Variants in NBEA observed in about 807,000 individuals in gnomAD.
NBEA encodes neurobeachin.
In NBEA, 44 loss-of-function variants were observed where a neutral mutation model predicts 343.4. The observed-to-expected ratio is 0.13, with a 90% CI of 0.10 to 0.16. The LOEUF (loss-of-function observed/expected upper bound fraction) is 0.16, where lower values mean the gene tolerates loss of function less well. Ranked by LOEUF, NBEA falls within the 10% of genes least tolerant of loss-of-function variation. The probability of loss-of-function intolerance (pLI) is 1.00; values close to 1 mark genes in which losing one functional copy is unlikely to be tolerated. For synonymous variants in NBEA, 1,175 were observed against 1,238.7 expected, an observed-to-expected ratio of 0.95 and a Z score of 1.08; for missense variants, 2,555 against 3,631.3, an observed-to-expected ratio of 0.70 and a Z score of 7.62.
At chr13:35,655,325 T>C (rs1328108988) in intron 54 of NBEA, among the ~76,000 whole-genome samples, 1 of 152,230 alleles carries the variant, frequency 6.6e-6, no homozygotes, top group Non-Finnish European at 1.5e-5. Flanking sequence ...GATTGTGTTA[T>C]TTTATAAAGT....
chr13:35,157,940 CT>C (rs1354907704), intron 21 of NBEA, among the ~76,000 whole-genome samples: 1 of 152,046 alleles, frequency 6.6e-6, no homozygotes, highest in Non-Finnish European at 1.5e-5. Flanking sequence ...ATTAAGTCTT[CT>C]TGAACACGAG....
chr13:35,193,449 A>G (rs188714457), intron 30 of NBEA, among the ~76,000 whole-genome samples: 3 of 151,894 alleles, frequency 2.0e-5, no homozygotes, highest in Non-Finnish European at 4.4e-5. Context: ...AAGAAATCTC[A>G]TTTTCTTCCT....
chr13:35,451,113 CTT>C (rs1395739614), intron 39 of NBEA, among the ~76,000 whole-genome samples: 1 of 151,916 alleles, frequency 6.6e-6, no homozygotes, highest in African/African-American at 2.4e-5. Context: ...TTGGTTTTGG[CTT>C]TTTGTGTTTT....
At chr13:35,442,366 T>G (rs1422927040) in intron 39 of NBEA, among the ~76,000 whole-genome samples, 1 of 152,144 alleles carries the variant, frequency 6.6e-6, no homozygotes, top group East Asian at 1.9e-4. Context: ...CGATTTTTAG[T>G]ATAATGAAAT....
In NBEA at chr13:35,159,326, T is replaced by C; in HGVS notation, c.3155T>C (p.Val1052Ala). 6.2e-7 allele frequency: 1 copy of C among 1,613,556 alleles called. No individual in the cohort carries two copies. The highest frequency in any genetic ancestry group is 8.5e-7 in the Non-Finnish European group (1 of 1,179,674). Residue 1052 changes from valine to alanine, a missense_variant, in exon 22 of 59, where the codon GTA becomes GCA. By Grantham distance (64) the Val-to-Ala change is moderately conservative. Coordinates refer to ENST00000379939, the MANE Select transcript of NBEA (RefSeq NM_001385012.1). ...CCAGGAAGTGGTGTACATGTGGAAG[T>C]ACATGATCTTTTAGTAGATATAAAA... ...DRPGSGVHVE[V>A]HDLLVDIKAE... is the part of the protein sequence containing the mutation.
intron 35 of NBEA, among the ~76,000 whole-genome samples, chr13:35,303,576 T>G (rs1196448087): frequency 6.6e-6 from 1 of 152,136 alleles, no homozygotes; most frequent in African/African-American, 2.4e-5. Flanking sequence ...AATGGACTAT[T>G]TTATACATAA....
In NBEA at chr13:35,047,316, G is replaced by A. The variant is rs549061192; in HGVS notation, c.724-1247G>A. Reference sequence around the variant, plus strand: ...TGCATCTTCAGTCATTATGCTTGGAGTAGATTACATTCCTTACTCTTGAAG... The same window carrying A: ...TGCATCTTCAGTCATTATGCTTGGAATAGATTACATTCCTTACTCTTGAAG... On this transcript the variant is annotated intron_variant, in intron 4 of 58. Coordinates refer to ENST00000379939, the MANE Select transcript of NBEA (RefSeq NM_001385012.1). 2.0e-5 allele frequency among the ~76,000 whole-genome samples: 3 copies of A among 151,906 alleles called. No individual in the cohort carries two copies. The South Asian group carries it at 6.2e-4, about 32-fold the overall frequency.
At chr13:34,995,525 C>T (rs1042144708) in intron 1 of NBEA, among the ~76,000 whole-genome samples, 4 of 152,076 alleles carry the variant, frequency 2.6e-5, no homozygotes, top group South Asian at 2.1e-4. Flanking sequence ...CAATGATTTG[C>T]GATTAGGCAG....
At chr13:35,298,102 A>G (rs1441873985) in intron 35 of NBEA, among the ~76,000 whole-genome samples, 1 of 151,292 alleles carries the variant, frequency 6.6e-6, no homozygotes, top group Non-Finnish European at 1.5e-5. Context: ...TGTATTATGC[A>G]TTCTAATCTT....
chr13:35,329,305 A>G (rs2038781862), intron 36 of NBEA, among the ~76,000 whole-genome samples: 1 of 151,944 alleles, frequency 6.6e-6, no homozygotes, highest in South Asian at 2.1e-4. Flanking sequence ...GGTTAAACAT[A>G]TTTTTACCAT....
chr13:35,144,552 A>G (rs1376231064), intron 18 of NBEA, among the ~76,000 whole-genome samples: 1 of 152,156 alleles, frequency 6.6e-6, no homozygotes, highest in African/African-American at 2.4e-5. Flanking sequence ...TTTGCTAGTC[A>G]TGCGAAACTG....
At chr13:35,506,240 T>C (rs1566237512) in intron 41 of NBEA, among the ~76,000 whole-genome samples, 1 of 152,046 alleles carries the variant, frequency 6.6e-6, no homozygotes, top group Non-Finnish European at 1.5e-5. Flanking sequence ...TATATATATA[T>C]TTTATTTTTG....
In NBEA at chr13:35,074,270, T is replaced by G. The variant is rs556528433; in HGVS notation, c.1571+3418T>G. On this transcript the variant is annotated intron_variant, in intron 10 of 58. Coordinates refer to ENST00000379939, the MANE Select transcript of NBEA (RefSeq NM_001385012.1). ...GAATTGGATGATTATGTAGACTGAGTACATATTCTTATTGAGTACATGTTA... is the reference window on the plus strand; with the variant it reads ...GAATTGGATGATTATGTAGACTGAGGACATATTCTTATTGAGTACATGTTA... Among the ~76,000 whole-genome samples the G allele has an allele frequency of 4.5e-4, 68 of 152,284 alleles. No individual in the cohort carries two copies. The South Asian group carries it at 8.9e-3, about 20-fold the overall frequency.
chr13:35,189,616 G>T (rs2072020792), intron 30 of NBEA, among the ~76,000 whole-genome samples: 1 of 151,862 alleles, frequency 6.6e-6, no homozygotes, highest in Admixed American at 6.6e-5. Flanking sequence ...TATATTGTAA[G>T]CTCTAGTCGA....
chr13:35,132,243 T>C (rs1227542180), intron 17 of NBEA, among the ~76,000 whole-genome samples: 1 of 152,114 alleles, frequency 6.6e-6, no homozygotes, highest in South Asian at 2.1e-4. Context: ...CTGAAACCTC[T>C]GCTTCCCATG....
rs1178216447 is a variant in NBEA at position 35,452,169 on chromosome 13, C to T, written c.6382C>T (p.Leu2128Phe). The T allele has an allele frequency of 2.5e-6, 4 of 1,609,176 alleles. No individual in the cohort carries two copies. Among genetic ancestry groups the T allele is most frequent in the Admixed American group, 1.7e-5 (1 of 59,566 alleles). The change falls in exon 40 of 59, where the codon CTT becomes TTT. Residue 2128 changes from leucine to phenylalanine, a missense_variant. Leu to Phe is a conservative substitution (Grantham distance 22). This residue lies in a region of NBEA where 246 missense variants were observed against 313.7 expected (regional missense o/e 0.78). Transcript: ENST00000379939. ...AGTGAACCAAAATGCAGAGACAGAA[C>T]TTATGCTGGAAGGAGACGATGATGC... ...AIVNQNAETE[L>F]MLEGDDDAVS...
At chr13:35,058,645 A>G in intron 7 of NBEA, 72 bp from the exon 8 acceptor site, 1 of 1,156,238 alleles carries the variant, frequency 8.6e-7, no homozygotes, top group Non-Finnish European at 1.3e-6. Flanking sequence ...ATGATAATGA[A>G]GGCCGATTTA....
At chr13:35,236,809 T>A (rs1295132129) in intron 34 of NBEA, among the ~76,000 whole-genome samples, 1 of 151,914 alleles carries the variant, frequency 6.6e-6, no homozygotes, top group Non-Finnish European at 1.5e-5. Context: ...TTTGAGTCCA[T>A]TTTCAGGCTC....
intron 30 of NBEA, 29 bp from the exon 31 acceptor site, chr13:35,195,835 T>G (rs910855522): frequency 6.6e-7 from 1 of 1,520,488 alleles, no homozygotes; most frequent in African/African-American, 1.4e-5. Flanking sequence ...TTTCAAAGCT[T>G]TTTTCTAACC....
Sources: allele counts gnomAD v4.1 joint callset (sites outside exome capture counted in the v4.1 genomes callset), GRCh38; gene constraint gnomAD v4.1.1; regional missense constraint gnomAD v4.1.1; transcripts MANE v1.5; gene names NCBI Gene and HGNC (gene_info 2026-07-23, HGNC 2026-07-21).